Variants in APLF observed in about 807,000 individuals in gnomAD.
The protein encoded by APLF is aprataxin and PNKP like factor.
A neutral mutation model predicts 55.6 loss-of-function variants in APLF; 61 were observed. The ratio of observed to expected loss-of-function variants is 1.10; its 90% confidence interval spans 0.89 to 1.36. APLF has a LOEUF of 1.36. Among genes scored for constraint, APLF ranks in the 40% most tolerant of loss-of-function variants. The pLI, the probability that APLF is intolerant of heterozygous loss-of-function variation, is 0.00. For synonymous variants in APLF, 207 were observed against 214.8 expected (o/e 0.96, Z 0.32); for missense variants, 611 against 602.5 (o/e 1.01, Z -0.15).
At position 68,539,515 on chromosome 2, in the gene APLF, A is replaced by G. The variant is rs535026388; in HGVS notation, c.1160+1288A>G. Among the ~76,000 whole-genome samples the G allele has an allele frequency of 3.3e-5, 5 of 152,296 alleles. No individual in the cohort carries two copies. In the South Asian group the frequency reaches 6.2e-4, roughly 19 times the overall value. ...TTATATTAGGTTGGGCCCCACCCTT[A>G]TGACCTCGTTTAACCTTAATCATCT... On this transcript the variant is annotated intron_variant, in intron 7 of 9. Coordinates refer to ENST00000303795, the MANE Select transcript of APLF (RefSeq NM_173545.3).
chr2:68,489,479 A>C (rs1353011736), intron 1 of APLF, among the ~76,000 whole-genome samples: 1 of 152,248 alleles, frequency 6.6e-6, no homozygotes, highest in Non-Finnish European at 1.5e-5. Context: ...TTTGATTGGC[A>C]CTGTCAGCAT....
At chr2:68,545,399 C>G (rs1054676150) in intron 8 of APLF, 87 bp downstream of exon 8, 2 of 1,430,594 alleles carry the variant, frequency 1.4e-6, no homozygotes, top group Non-Finnish European at 1.9e-6. Flanking sequence ...CTTGTTATCT[C>G]AAGCCTTTTA....
intron 8 of APLF, among the ~76,000 whole-genome samples, chr2:68,566,606 G>T (rs1372484711): frequency 6.6e-6 from 1 of 152,076 alleles, no homozygotes; most frequent in Non-Finnish European, 1.5e-5. Context: ...GCTGTGCTTT[G>T]TCAGTTCCCT....
intron 5 of APLF, among the ~76,000 whole-genome samples, chr2:68,517,920 AAT>A (rs1175838437): frequency 1.4e-5 from 2 of 144,042 alleles, no homozygotes; most frequent in African/African-American, 5.0e-5. Context: ...TTATATCACT[AAT>A]ATGTGTTAAT....
intron 2 of APLF, among the ~76,000 whole-genome samples, chr2:68,491,831 T>C (rs898545438): frequency 6.6e-6 from 1 of 152,188 alleles, no homozygotes; most frequent in Admixed American, 6.5e-5. Flanking sequence ...TGTGTCCATG[T>C]CAGCACATTT....
At chr2:68,574,152 T>C (rs918639298) in intron 9 of APLF, among the ~76,000 whole-genome samples, 7 of 152,046 alleles carry the variant, frequency 4.6e-5, no homozygotes, top group Non-Finnish European at 8.8e-5. Flanking sequence ...ACGTGTGTTA[T>C]TGTAAAAATC....
At chr2:68,571,211 T>C (rs1671450751) in intron 9 of APLF, among the ~76,000 whole-genome samples, 1 of 152,186 alleles carries the variant, frequency 6.6e-6, no homozygotes, top group African/African-American at 2.4e-5. Flanking sequence ...GTCAGGTGAG[T>C]AGATTGCAAA....
intron 7 of APLF, among the ~76,000 whole-genome samples, chr2:68,542,401 A>G (rs1291857852): frequency 6.6e-6 from 1 of 152,204 alleles, no homozygotes; most frequent in Non-Finnish European, 1.5e-5. Context: ...TGCAAATTAT[A>G]TATCTGATAA....
At chr2:68,496,740 C>T (rs1188099280) in intron 2 of APLF, among the ~76,000 whole-genome samples, 1 of 152,192 alleles carries the variant, frequency 6.6e-6, no homozygotes, top group Non-Finnish European at 1.5e-5. Context: ...GCCAAGCTCT[C>T]TGCTAAGACG....
chr2:68,520,233 A>G (rs368414549), intron 5 of APLF, among the ~76,000 whole-genome samples: 1 of 152,040 alleles, frequency 6.6e-6, no homozygotes, highest in African/African-American at 2.4e-5. Context: ...TCAGATGCAT[A>G]GTTTGCGAAG....
chr2:68,509,072 G>A (rs1169271179), intron 3 of APLF, among the ~76,000 whole-genome samples: 13 of 151,478 alleles, frequency 8.6e-5, no homozygotes, highest in East Asian at 1.9e-4. Context: ...AAATTAATTC[G>A]AGATGGATTA....
chr2:68,564,557 A>G (rs555709575), intron 8 of APLF, among the ~76,000 whole-genome samples: 16 of 152,244 alleles, frequency 1.1e-4, no homozygotes, highest in Middle Eastern at 3.4e-3. Context: ...AACATTATTT[A>G]TTTAACACCT....
chr2:68,570,920 A>T (rs1044165738), intron 9 of APLF, among the ~76,000 whole-genome samples: 1 of 152,152 alleles, frequency 6.6e-6, no homozygotes, highest in African/African-American at 2.4e-5. Flanking sequence ...CAACAGTGTA[A>T]AAGTGTTCTT....
At chr2:68,479,356 A>AC (rs886637919) in intron 1 of APLF, among the ~76,000 whole-genome samples, 36 of 152,376 alleles carry the variant, frequency 2.4e-4, no homozygotes, top group Middle Eastern at 3.4e-3. Flanking sequence ...GATATGCATG[A>AC]CTTCACAGGT....
rs192071440 is a variant in APLF at position 68,556,098 on chromosome 2, A to G, written c.1286+10786A>G. Among the ~76,000 whole-genome samples, 1,004 of 152,340 alleles carry G rather than the reference A, an allele frequency of 6.6e-3. 2 individuals carry two copies. The highest frequency in any genetic ancestry group is 0.011 in the Non-Finnish European group (715 of 68,030). The stretch of plus-strand genomic sequence containing the variant: ...TTATTCTAAGTGAAGTATCTCAGGA[A>G]TGGAAAACCAAACATGGTATGTTCT... On this transcript the variant is annotated intron_variant, in intron 8 of 9. Transcript: ENST00000303795.
intron 2 of APLF, among the ~76,000 whole-genome samples, chr2:68,490,497 G>T (rs528371559): frequency 6.6e-6 from 1 of 152,212 alleles, no homozygotes; most frequent in South Asian, 2.1e-4. Context: ...ATGACTGCCA[G>T]TTCATGTATA....
At chr2:68,519,576 C>A (rs1230742344) in intron 5 of APLF, among the ~76,000 whole-genome samples, 1 of 149,836 alleles carries the variant, frequency 6.7e-6, no homozygotes, top group Non-Finnish European at 1.5e-5. Context: ...TGCCCCTCCC[C>A]ACTACGATTC....
At chr2:68,555,154 T>C (rs1670970074) in intron 8 of APLF, among the ~76,000 whole-genome samples, 1 of 152,058 alleles carries the variant, frequency 6.6e-6, no homozygotes, top group African/African-American at 2.4e-5. Context: ...TATACAAAAA[T>C]CAACTCAAGA....
chr2:68,519,031 GATT>G (rs1558540190), intron 5 of APLF, among the ~76,000 whole-genome samples: 3 of 105,804 alleles, frequency 2.8e-5, no homozygotes, highest in Non-Finnish European at 5.0e-5. Context: ...TATAATATAT[GATT>G]AATATATAAT....
Sources: allele counts gnomAD v4.1 joint callset (sites outside exome capture counted in the v4.1 genomes callset), GRCh38; gene constraint gnomAD v4.1.1; transcripts MANE v1.5; gene names NCBI Gene and HGNC (gene_info 2026-07-23, HGNC 2026-07-21).